The following CELF2 variants were observed in gnomAD, a reference collection of about 807,000 sequenced individuals.
CELF2 encodes the protein CUG triplet repeat RNA-binding protein 2.
In CELF2, 8 loss-of-function variants were observed where a neutral mutation model predicts 62.6. That is an observed-to-expected ratio of 0.13 (90% CI 0.07 to 0.23). CELF2 has a LOEUF of 0.23. Ranked by LOEUF, CELF2 falls within the 10% of genes least tolerant of loss-of-function variation. The probability of loss-of-function intolerance (pLI) is 1.00; values close to 1 mark genes in which losing one functional copy is unlikely to be tolerated. For synonymous variants in CELF2, 258 were observed against 250.0 expected (o/e 1.03, Z -0.30); for missense variants, 333 against 671.0 (o/e 0.50, Z 5.56).
chr10:11,265,867 C>T (rs1437668604), intron 5 of CELF2, among the ~76,000 whole-genome samples: 1 of 152,166 alleles, frequency 6.6e-6, no homozygotes, highest in African/African-American at 2.4e-5. Flanking sequence ...CAGAAATTGA[C>T]AAGTCTCAAA....
intron 1 of CELF2, among the ~76,000 whole-genome samples, chr10:10,860,084 T>G (rs1017677284): frequency 1.3e-5 from 2 of 152,152 alleles, no homozygotes; most frequent in Non-Finnish European, 2.9e-5. Context: ...ATTAATAAAT[T>G]TATAAGATAG....
chr10:10,487,537 G>A, the CELF2 span, among the ~76,000 whole-genome samples: 39 of 152,146 alleles, frequency 2.6e-4, 1 homozygote, highest in African/African-American at 7.5e-4. Flanking sequence ...TTTTCATGAC[G>A]TCCATGACCC....
upstream of CELF2, among the ~76,000 whole-genome samples, chr10:10,796,184 C>T (rs1188702736): frequency 1.3e-5 from 2 of 152,166 alleles, no homozygotes; most frequent in African/African-American, 4.8e-5. Flanking sequence ...GAGCTCAGAC[C>T]AGTTCCTTAA....
At chr10:11,263,066 T>C (rs1219764267) in intron 5 of CELF2, among the ~76,000 whole-genome samples, 3 of 146,096 alleles carry the variant, frequency 2.1e-5, no homozygotes, top group South Asian at 2.2e-4. Context: ...AAATGACAAG[T>C]GTAATAGGTG....
At chr10:11,114,464 G>A (rs534117056) in intron 1 of CELF2, among the ~76,000 whole-genome samples, 5 of 152,234 alleles carry the variant, frequency 3.3e-5, no homozygotes, top group African/African-American at 1.2e-4. Flanking sequence ...ACCAAATAAG[G>A]ATTTGTCACA....
chr10:11,236,440 A>C (rs1565471225), intron 3 of CELF2, among the ~76,000 whole-genome samples: 1 of 152,194 alleles, frequency 6.6e-6, no homozygotes, highest in Non-Finnish European at 1.5e-5. Context: ...TGCAGGAAAC[A>C]CTCATCAATT....
intron 2 of CELF2, among the ~76,000 whole-genome samples, chr10:10,954,009 A>C (rs2048605066): frequency 6.6e-6 from 1 of 151,860 alleles, no homozygotes; most frequent in Admixed American, 6.6e-5. Context: ...AAACATGTGA[A>C]AAGATGCATC....
chr10:10,754,961 T>C, the CELF2 span, among the ~76,000 whole-genome samples: 2 of 152,212 alleles, frequency 1.3e-5, no homozygotes, highest in South Asian at 4.1e-4. Flanking sequence ...AGATGTTCTG[T>C]TTCCCTCAAT....
rs557083657 is a variant in CELF2, at chr10:10,997,563, G to A, written c.89+77564G>A. ...CAAGTGCACCAAAGGTCATATTCAC[G>A]TTTGGATCCCAGATAATGGTCGAGT... On this transcript the variant is annotated intron_variant, in intron 2 of 13. Transcript: ENST00000636488. This position sits in a 1 kb window ranked among gnomAD's most constrained non-coding sequence, Gnocchi z 5.3. 0.01 allele frequency among the ~76,000 whole-genome samples: 1,540 copies of A among 152,320 alleles called. 18 individuals carry two copies. The highest frequency in any genetic ancestry group is 0.014 in the Non-Finnish European group (933 of 68,030).
At chr10:10,508,334 A>C in the CELF2 span, among the ~76,000 whole-genome samples, 2 of 152,230 alleles carry the variant, frequency 1.3e-5, no homozygotes, top group Non-Finnish European at 2.9e-5. Flanking sequence ...GAAATGCCAG[A>C]TGGATTGAAA....
intron 1 of CELF2, among the ~76,000 whole-genome samples, chr10:10,868,184 G>A (rs1008226646): frequency 6.6e-6 from 1 of 152,178 alleles, no homozygotes; most frequent in Non-Finnish European, 1.5e-5. Flanking sequence ...TCATGGTTCT[G>A]TGCATTGACT....
chr10:10,724,204 C>T, the CELF2 span, among the ~76,000 whole-genome samples: 2 of 152,140 alleles, frequency 1.3e-5, no homozygotes, highest in South Asian at 2.1e-4. Flanking sequence ...TTAACCATGT[C>T]GCGTTCTTGT....
rs750822849 is a variant in CELF2, at chr10:11,214,489, G to A, written c.272-2936G>A. ...GTATCCTACTGAGGCCGTGAATAGA[G>A]TAGAAATCCAGGCTGGGATGGGCTT... On this transcript the variant is annotated intron_variant, in intron 2 of 12. Coordinates refer to ENST00000633077, the MANE Select transcript of CELF2 (RefSeq NM_001326342.2). The surrounding 1 kb of genome is among the most constrained non-coding windows in gnomAD (Gnocchi z 4.2). 6.6e-6 allele frequency among the ~76,000 whole-genome samples: 1 copy of A among 152,164 alleles called. No homozygotes were observed. Among genetic ancestry groups the A allele is most frequent in the Non-Finnish European group, 1.5e-5 (1 of 68,014 alleles).
intron 2 of CELF2, among the ~76,000 whole-genome samples, chr10:11,213,555 TTCTC>T (rs1431871263): frequency 6.6e-6 from 1 of 152,234 alleles, no homozygotes; most frequent in Non-Finnish European, 1.5e-5. Context: ...ATAATGATAT[TTCTC>T]TCTTTGTTGA....
At chr10:10,509,229 T>C in the CELF2 span, among the ~76,000 whole-genome samples, 2 of 152,214 alleles carry the variant, frequency 1.3e-5, no homozygotes, top group African/African-American at 4.8e-5. Flanking sequence ...TATTACTCTG[T>C]TGTCCTTGAG....
At position 11,332,325 on chromosome 10, in the gene CELF2, A is replaced by G. The variant is rs931643537; in HGVS notation, c.*3272A>G. 3.3e-5 allele frequency: 5 copies of G among 152,174 alleles called. No individual in the cohort carries two copies. Among genetic ancestry groups the G allele is most frequent in the African/African-American group, 1.2e-4 (5 of 41,410 alleles). 9.4% of individuals were successfully genotyped at this position (152,174 alleles called of 1,614,324 possible). A position where few individuals can be genotyped will look rare whatever the true frequency, so the allele number is the denominator to read the frequency against. On this transcript the variant is annotated 3_prime_UTR_variant, in exon 13 of 13. Transcript: ENST00000633077. ...TCTGTTTCCTAAATACTCCTAAATA[A>G]TATTTCTAATCAGCCATTATGCTGG...
At chr10:10,668,885 G>C in the CELF2 span, among the ~76,000 whole-genome samples, 1 of 152,134 alleles carries the variant, frequency 6.6e-6, no homozygotes, top group South Asian at 2.1e-4. Context: ...TTGAATCCAG[G>C]AGACAGAGGC....
chr10:11,154,799 A>G (rs1197502814), intron 1 of CELF2, among the ~76,000 whole-genome samples: 2 of 152,216 alleles, frequency 1.3e-5, no homozygotes, highest in Non-Finnish European at 1.5e-5. Context: ...GACTGAAAAA[A>G]CAAACTCCCA....
At chr10:11,187,880 C>A (rs1313821270) in intron 2 of CELF2, among the ~76,000 whole-genome samples, 1 of 152,198 alleles carries the variant, frequency 6.6e-6, no homozygotes, top group Non-Finnish European at 1.5e-5. Context: ...ATAGATATTT[C>A]CATCATAAGA....
Sources: allele counts gnomAD v4.1 joint callset (sites outside exome capture counted in the v4.1 genomes callset), GRCh38; gene constraint gnomAD v4.1.1; non-coding constraint Gnocchi (gnomAD v3.1); transcripts MANE v1.5; gene names NCBI Gene and HGNC (gene_info 2026-07-23, HGNC 2026-07-21).